Variants in OGFRL1 observed in about 807,000 individuals in gnomAD.
OGFRL1 encodes the protein opioid growth factor receptor-like protein 1.
Under a neutral mutation model 32.4 loss-of-function variants are expected in OGFRL1, and 26 were observed. That is an observed-to-expected ratio of 0.80 (90% CI 0.59 to 1.11). OGFRL1 has a LOEUF of 1.11. Among genes scored for constraint, OGFRL1 ranks in the 50% most tolerant of loss-of-function variants. The probability of loss-of-function intolerance (pLI) is 0.00; values close to 1 mark genes in which losing one functional copy is unlikely to be tolerated. For missense variants in OGFRL1, 521 were observed against 546.4 expected, an observed-to-expected ratio of 0.95 and a Z score of 0.46; for synonymous variants, 211 against 201.2, an observed-to-expected ratio of 1.05 and a Z score of -0.41.
Position 71,301,908 on chromosome 6 carries a change from T to G in OGFRL1, c.1215T>G (p.Ser405=). 1.2e-6 allele frequency: 2 copies of G among 1,613,894 alleles called. No individual in the cohort carries two copies. The highest frequency in any genetic ancestry group is 1.7e-6 in the Non-Finnish European group (2 of 1,179,986). Residue 405 remains serine, a synonymous_variant, in exon 7 of 7, where the codon TCT becomes TCG. Coordinates refer to ENST00000370435, the MANE Select transcript of OGFRL1 (RefSeq NM_024576.5). ...ACAGTAATGCTGAGAACATGAATTC[T>G]CAACCTGAGAAAACAGTTACTACTC... is the stretch of plus-strand genomic sequence containing the variant. ...EKDSNAENMN[S]QPEKTVTTPT... is the part of the protein sequence containing the mutation.
chr6:71,290,290 C>T lies in OGFRL1; in HGVS notation c.234+1120C>T, dbSNP rs78824708. On this transcript the variant is annotated intron_variant, in intron 1 of 6. Coordinates refer to ENST00000370435, the MANE Select transcript of OGFRL1 (RefSeq NM_024576.5). ...CAAGTCTATCTATCACTGATATCAG[C>T]GCCTTGGACCTGTGGAATTCTGAAT... 6.2e-3 allele frequency among the ~76,000 whole-genome samples: 944 copies of T among 152,220 alleles called. 12 individuals carry two copies. Among genetic ancestry groups the T allele is most frequent in the African/African-American group, 0.021 (887 of 41,518 alleles).
intron 1 of OGFRL1, among the ~76,000 whole-genome samples, chr6:71,290,046 T>A (rs918957571): frequency 6.6e-6 from 1 of 152,156 alleles, no homozygotes; most frequent in African/African-American, 2.4e-5. Flanking sequence ...ACCTAAATAT[T>A]ACAGCTAACA....
rs1489323815 is a variant in OGFRL1, at chr6:71,296,485, A to C, written c.480-10A>C. Reference sequence around the variant, plus strand: ...TTAATAGAAAAATTTTATTTTTTTAAAATAAATAGGCTTTTCCCCCTGAGA... The same window carrying C: ...TTAATAGAAAAATTTTATTTTTTTACAATAAATAGGCTTTTCCCCCTGAGA... On this transcript the variant is annotated splice_polypyrimidine_tract_variant and intron_variant, in intron 4 of 6. Coordinates refer to ENST00000370435, the MANE Select transcript of OGFRL1 (RefSeq NM_024576.5). The C allele has an allele frequency of 6.2e-7, 1 of 1,600,386 alleles. No homozygotes were observed. The highest frequency in any genetic ancestry group is 8.5e-7 in the Non-Finnish European group (1 of 1,173,556).
At chr6:71,293,412 A>G (rs1582551214) in intron 2 of OGFRL1, 33 bp downstream of exon 2, 1 of 1,599,464 alleles carries the variant, frequency 6.3e-7, no homozygotes, top group South Asian at 1.1e-5. Context: ...TTTAAACTGT[A>G]AACTATTTTC....
chr6:71,301,758 T>C lies in OGFRL1; in HGVS notation c.1065T>C (p.Ala355=), dbSNP rs763170227. The C allele has an allele frequency of 1.9e-6, 3 of 1,613,954 alleles. No homozygotes were observed. Among genetic ancestry groups the C allele is most frequent in the Non-Finnish European group, 2.5e-6 (3 of 1,180,002 alleles). ...KAKDSKNSSS[A]VHLNSKTAED... ...AGGACTCCAAAAATTCCTCCTCAGC[T>C]GTTCATTTAAATAGCAAAACAGCTG... Residue 355 remains alanine, a synonymous_variant, in exon 7 of 7, where the codon GCT becomes GCC. Transcript: ENST00000370435.
intron 6 of OGFRL1, among the ~76,000 whole-genome samples, chr6:71,298,649 A>G (rs1766288401): frequency 6.6e-6 from 1 of 152,114 alleles, no homozygotes. Context: ...CCTCTGCCCC[A>G]TCCTTTCTTT....
In OGFRL1 at chr6:71,302,131, T is replaced by A; in HGVS notation, c.*82T>A. Reference sequence around the variant, plus strand: ...TTTATCCTAAAGAACAGAGATGAGGTCAATTTCAAATTTTAGCCATCTGTT... The same window carrying A: ...TTTATCCTAAAGAACAGAGATGAGGACAATTTCAAATTTTAGCCATCTGTT... On this transcript the variant is annotated 3_prime_UTR_variant, in exon 7 of 7. Coordinates refer to ENST00000370435, the MANE Select transcript of OGFRL1 (RefSeq NM_024576.5). 2 of 1,213,916 alleles carry A rather than the reference T, an allele frequency of 1.6e-6. No homozygotes were observed. The highest frequency in any genetic ancestry group is 2.2e-6 in the Non-Finnish European group (2 of 911,800). 75.2% of individuals were successfully genotyped at this position (1,213,916 alleles called of 1,614,324 possible). A position where few individuals can be genotyped will look rare whatever the true frequency, so the allele number is the denominator to read the frequency against.
intron 6 of OGFRL1, among the ~76,000 whole-genome samples, chr6:71,301,028 G>T: frequency 6.6e-6 from 1 of 152,078 alleles, no homozygotes; most frequent in East Asian, 1.9e-4. Context: ...CATTGATGTT[G>T]GTGCAAATAA....
intron 2 of OGFRL1, 63 bp from the exon 3 acceptor site, chr6:71,293,470 G>A: frequency 1.3e-6 from 2 of 1,558,992 alleles, no homozygotes; most frequent in Non-Finnish European, 8.8e-7. Context: ...CATGCATGAA[G>A]GGTCCTTGTA....
rs7753063 is a variant in OGFRL1, at chr6:71,306,704, C to A, written c.*4655C>A. The A allele has an allele frequency of 0.54, 82,593 of 151,966 alleles. 24,316 individuals carry two copies. Among genetic ancestry groups the A allele is most frequent in the African/African-American group, 0.76 (31,600 of 41,462 alleles). 9.4% of individuals were successfully genotyped at this position (151,966 alleles called of 1,614,324 possible). On this transcript the variant is annotated 3_prime_UTR_variant, in exon 7 of 7. Transcript: ENST00000370435. ...CAACAATGTGTTACATTTGACAAAA[C>A]GTGTTTAGAGTAAGAAAGACTAACT...
intron 3 of OGFRL1, chr6:71,295,380 CG>C (rs1222243141): frequency 2.0e-5 from 3 of 152,078 alleles, no homozygotes; most frequent in African/African-American, 4.8e-5. Context: ...GAGTTATGTT[CG>C]GAGAAATATT....
chr6:71,306,959 A>G lies in OGFRL1; in HGVS notation c.*4910A>G, dbSNP rs1766569688. On this transcript the variant is annotated 3_prime_UTR_variant, in exon 7 of 7. Transcript: ENST00000370435. ...AAAACTTTTATGCTGTAGTCTCATT[A>G]GAATCATTTTAAAAGCACTGTTCTT... 1 of 152,222 alleles carries G rather than the reference A, an allele frequency of 6.6e-6. No homozygotes were observed. Among genetic ancestry groups the G allele is most frequent in the Non-Finnish European group, 1.5e-5 (1 of 68,030 alleles). The allele number at this position is 152,222 out of a possible 1,614,324, so 9.4% of individuals were successfully genotyped here.
At position 71,301,560 on chromosome 6, in the gene OGFRL1, C is replaced by T. The variant is rs768106483; in HGVS notation, c.867C>T (p.Asp289=). 3.1e-6 allele frequency: 5 copies of T among 1,614,114 alleles called. No homozygotes were observed. Among genetic ancestry groups the T allele is most frequent in the South Asian group, 2.2e-5 (2 of 91,086 alleles). ...ALEYFVYTIR[D]RRERRKLLRF... is the part of the protein sequence containing the mutation. ...AGTATTTTGTTTATACAATTAGAGA[C>T]AGAAGAGAAAGGAGAAAGCTCCTGC... is the stretch of plus-strand genomic sequence containing the variant. The change falls in exon 7 of 7, where the codon GAC becomes GAT. Residue 289 remains aspartate, a synonymous_variant. Coordinates refer to ENST00000370435, the MANE Select transcript of OGFRL1 (RefSeq NM_024576.5).
In OGFRL1 at chr6:71,305,813, CTG is replaced by C. The variant is rs1766533455; in HGVS notation, c.*3765_*3766del. 6.6e-6 allele frequency: 1 copy of C among 152,198 alleles called. No individual in the cohort carries two copies. The highest frequency in any genetic ancestry group is 2.4e-5 in the African/African-American group (1 of 41,546). The allele number at this position is 152,198 out of a possible 1,614,324, so 9.4% of individuals were successfully genotyped here. On this transcript the variant is annotated 3_prime_UTR_variant, in exon 7 of 7. Transcript: ENST00000370435. Reference sequence around the variant, plus strand: ...TCATAGTAGTAAATGAACCTCAACACTGAGTGGTCAAAAATTGGGTTAACCAA... The same window carrying C: ...TCATAGTAGTAAATGAACCTCAACACAGTGGTCAAAAATTGGGTTAACCAA...
chr6:71,301,023 A>T (rs969040455), intron 6 of OGFRL1, among the ~76,000 whole-genome samples: 1 of 152,194 alleles, frequency 6.6e-6, no homozygotes, highest in Non-Finnish European at 1.5e-5. Flanking sequence ...CAGTACATTG[A>T]TGTTGGTGCA....
chr6:71,297,467 CAA>C (rs1477821066), intron 6 of OGFRL1, among the ~76,000 whole-genome samples: 1 of 151,912 alleles, frequency 6.6e-6, no homozygotes, highest in African/African-American at 2.4e-5. Context: ...TACTCATAAC[CAA>C]AGTTTATTTT....
Position 71,304,263 on chromosome 6 carries a change from G to A in OGFRL1, c.*2214G>A, listed in dbSNP as rs1188103454. On this transcript the variant is annotated 3_prime_UTR_variant, in exon 7 of 7. Transcript: ENST00000370435. ...TAATATGCCAGTTTTTGCTTTCCTA[G>A]TGTTCTGTGAGTATTAGGATTTGGC... 6.6e-6 allele frequency: 1 copy of A among 151,474 alleles called. No individual in the cohort carries two copies. The highest frequency in any genetic ancestry group is 1.5e-5 in the Non-Finnish European group (1 of 67,752). 9.4% of individuals were successfully genotyped at this position (151,474 alleles called of 1,614,324 possible). A position where few individuals can be genotyped will look rare whatever the true frequency, so the allele number is the denominator to read the frequency against.
Position 71,289,125 on chromosome 6 carries a change from C to T in OGFRL1, c.189C>T (p.Ala63=). 9.0e-7 allele frequency: 1 copy of T among 1,108,192 alleles called. No individual in the cohort carries two copies. Among genetic ancestry groups the T allele is most frequent in the Non-Finnish European group, 1.1e-6 (1 of 910,644 alleles). The allele number at this position is 1,108,192 out of a possible 1,614,324, so 68.6% of individuals were successfully genotyped here. Residue 63 remains alanine (A), a synonymous_variant, in exon 1 of 7, where the codon GCC becomes GCT. Coordinates refer to ENST00000370435, the MANE Select transcript of OGFRL1 (RefSeq NM_024576.5). ...PPEQAGGRPG[A]SPAPDEDAEA... Reference sequence around the variant, plus strand: ...AGCAAGCCGGCGGGCGGCCCGGCGCCAGCCCCGCGCCGGACGAGGACGCCG... The same window carrying T: ...AGCAAGCCGGCGGGCGGCCCGGCGCTAGCCCCGCGCCGGACGAGGACGCCG...
chr6:71,292,370 A>T (rs1766077216), intron 1 of OGFRL1, among the ~76,000 whole-genome samples: 1 of 152,256 alleles, frequency 6.6e-6, no homozygotes, highest in Non-Finnish European at 1.5e-5. Context: ...AGAGGATGCC[A>T]ATCTGTCAAC....
Sources: allele counts gnomAD v4.1 joint callset (sites outside exome capture counted in the v4.1 genomes callset), GRCh38; gene constraint gnomAD v4.1.1; transcripts MANE v1.5; gene names NCBI Gene and HGNC (gene_info 2026-07-23, HGNC 2026-07-21).